Variants in TMEM131 observed in about 807,000 individuals in gnomAD.
TMEM131 encodes transmembrane protein 131, also known as 2610524E03Rik.
TMEM131 carries 66 observed loss-of-function variants against 211.6 expected under a neutral mutation model. That is an observed-to-expected ratio of 0.31 (90% CI 0.26 to 0.38). TMEM131 has a LOEUF of 0.38. Ranked by LOEUF, TMEM131 falls within the 10% of genes least tolerant of loss-of-function variation. TMEM131 has a pLI of 1.00. For missense variants in TMEM131, 2,036 were observed against 2,299.3 expected, an observed-to-expected ratio of 0.89 and a Z score of 2.34; for synonymous variants, 844 against 841.3, an observed-to-expected ratio of 1.00 and a Z score of -0.06.
At chr2:97,785,783 C>CA (rs1680219532) in intron 31 of TMEM131, among the ~76,000 whole-genome samples, 1 of 152,120 alleles carries the variant, frequency 6.6e-6, no homozygotes, top group Non-Finnish European at 1.5e-5. Context: ...CTTCAATGAG[C>CA]AAATGACTAA....
intron 10 of TMEM131, among the ~76,000 whole-genome samples, chr2:97,833,744 GC>G (rs1370312290): frequency 6.6e-6 from 1 of 151,328 alleles, no homozygotes; most frequent in East Asian, 1.9e-4. Context: ...TGCAACCTCA[GC>G]CTCCTGGGTT....
chr2:97,934,242 A>C (rs538651058), intron 1 of TMEM131, among the ~76,000 whole-genome samples: 2 of 152,292 alleles, frequency 1.3e-5, no homozygotes, highest in South Asian at 4.1e-4. Flanking sequence ...TGCAAAAATC[A>C]ACATTAAAAT....
intron 1 of TMEM131, among the ~76,000 whole-genome samples, chr2:97,978,381 A>G (rs1243240269): frequency 3.9e-5 from 6 of 152,114 alleles, no homozygotes; most frequent in Admixed American, 1.3e-4. Context: ...TCATTTGTTC[A>G]AGTTTTATCG....
rs142138189 is a variant in TMEM131 at position 97,908,542 on chromosome 2, T to C, written c.290+116A>G. 4.8e-4 allele frequency: 341 copies of C among 712,036 alleles called. 1 individual carries two copies. The African/African-American group carries it at 5.2e-3, about 11-fold the overall frequency. The allele number at this position is 712,036 out of a possible 1,614,324, so 44.1% of individuals were successfully genotyped here. A position where few individuals can be genotyped will look rare whatever the true frequency, so the allele number is the denominator to read the frequency against. On this transcript the variant is annotated intron_variant, in intron 3 of 40. Transcript: ENST00000186436. Reference sequence around the variant, plus strand: ...CTTAGAAATAATCATATAATGTGATTTACAATTTGCTATTCCTTCTTCACC... The same window carrying C: ...CTTAGAAATAATCATATAATGTGATCTACAATTTGCTATTCCTTCTTCACC...
chr2:97,911,190 C>T (rs1676277290), intron 2 of TMEM131, among the ~76,000 whole-genome samples: 1 of 152,038 alleles, frequency 6.6e-6, no homozygotes, highest in African/African-American at 2.4e-5. Flanking sequence ...CAACCCAGAC[C>T]CTCAAAAAAG....
chr2:97,776,858 T>C (rs1679761811), intron 31 of TMEM131, among the ~76,000 whole-genome samples: 2 of 152,224 alleles, frequency 1.3e-5, no homozygotes, highest in South Asian at 2.1e-4. Flanking sequence ...GCCTCTCATC[T>C]GTAAGATGGA....
intron 31 of TMEM131, among the ~76,000 whole-genome samples, chr2:97,791,969 G>C (rs1458443317): frequency 6.6e-6 from 1 of 152,186 alleles, no homozygotes; most frequent in African/African-American, 2.4e-5. Flanking sequence ...AAACCAGGTG[G>C]TGATTTGGCC....
intron 5 of TMEM131, among the ~76,000 whole-genome samples, chr2:97,845,806 T>G (rs1296166623): frequency 1.4e-5 from 2 of 142,504 alleles, no homozygotes; most frequent in Non-Finnish European, 3.1e-5. Flanking sequence ...CCTCAAAAAG[T>G]CCATAAAATG....
At chr2:97,865,276 A>T (rs568721834) in intron 4 of TMEM131, among the ~76,000 whole-genome samples, 33 of 152,334 alleles carry the variant, frequency 2.2e-4, no homozygotes, top group African/African-American at 7.2e-4. Context: ...GTTGTGATAG[A>T]TTGTAATGTG....
At chr2:97,935,773 G>C (rs1424010953) in intron 1 of TMEM131, among the ~76,000 whole-genome samples, 1 of 152,186 alleles carries the variant, frequency 6.6e-6, no homozygotes, top group Non-Finnish European at 1.5e-5. Context: ...TAAGAACTCT[G>C]GCAATTAACC....
intron 1 of TMEM131, among the ~76,000 whole-genome samples, chr2:97,973,913 T>A (rs1472562579): frequency 1.3e-5 from 2 of 152,000 alleles, no homozygotes; most frequent in African/African-American, 4.8e-5. Flanking sequence ...AAAACAAAGC[T>A]CAAGAATATT....
chr2:97,846,942 A>T (rs1477519711), intron 5 of TMEM131, among the ~76,000 whole-genome samples: 1 of 152,058 alleles, frequency 6.6e-6, no homozygotes, highest in Non-Finnish European at 1.5e-5. Flanking sequence ...GCAATTTGGG[A>T]GGCCGAGGTG....
chr2:97,888,288 A>C (rs1675243600), intron 3 of TMEM131, among the ~76,000 whole-genome samples, 168 bp from the exon 4 acceptor site: 1 of 152,242 alleles, frequency 6.6e-6, no homozygotes, highest in Non-Finnish European at 1.5e-5. Flanking sequence ...GAAACCAATA[A>C]AGATTGCGTT....
At chr2:97,898,781 T>C (rs1486254008) in intron 3 of TMEM131, among the ~76,000 whole-genome samples, 2 of 152,210 alleles carry the variant, frequency 1.3e-5, no homozygotes, top group Non-Finnish European at 2.9e-5. Flanking sequence ...ATATCCCTTA[T>C]GATTTCTTTC....
chr2:97,839,312 AAACCAACCAACCAACCAACC>A (rs56114114), intron 7 of TMEM131, among the ~76,000 whole-genome samples: 15 of 148,448 alleles, frequency 1.0e-4, no homozygotes, highest in East Asian at 3.9e-4. Context: ...GGTGTCTGGA[AAACCAACCAACCAACCAACC>A]AACCAACCAA....
chr2:97,869,988 G>A (rs546912729), intron 4 of TMEM131, among the ~76,000 whole-genome samples: 8 of 152,202 alleles, frequency 5.3e-5, no homozygotes, highest in East Asian at 1.9e-4. Context: ...GATAAAATTC[G>A]GGTTGCTTTC....
chr2:97,768,030 T>C (rs1263275544), intron 33 of TMEM131, among the ~76,000 whole-genome samples: 1 of 151,918 alleles, frequency 6.6e-6, no homozygotes, highest in East Asian at 1.9e-4. Context: ...GAAGGCTATT[T>C]ACAAACATTT....
intron 33 of TMEM131, among the ~76,000 whole-genome samples, chr2:97,766,914 A>G (rs1350661530): frequency 6.6e-6 from 1 of 152,190 alleles, no homozygotes; most frequent in Non-Finnish European, 1.5e-5. Context: ...CATAGAAAGA[A>G]AGCCCTTAGC....
chr2:97,949,835 A>T (rs1406684228), intron 1 of TMEM131, among the ~76,000 whole-genome samples: 1 of 151,384 alleles, frequency 6.6e-6, no homozygotes, highest in Non-Finnish European at 1.5e-5. Flanking sequence ...AAAAAAAAAA[A>T]AAAAGTCAGT....
Sources: allele counts gnomAD v4.1 joint callset (sites outside exome capture counted in the v4.1 genomes callset), GRCh38; gene constraint gnomAD v4.1.1; transcripts MANE v1.5; gene names NCBI Gene and HGNC (gene_info 2026-07-23, HGNC 2026-07-21).